ACLY: variants seen among roughly 807,000 people sequenced by gnomAD.
The protein encoded by ACLY is ATP citrate lyase, also known as ATP-citrate synthase.
A neutral mutation model predicts 133.0 loss-of-function variants in ACLY; 41 were observed. The ratio of observed to expected loss-of-function variants is 0.31; its 90% confidence interval spans 0.24 to 0.40. The LOEUF (loss-of-function observed/expected upper bound fraction) is 0.40, where lower values mean the gene tolerates loss of function less well. ACLY is among the 10% of genes least tolerant of loss of function. The probability of loss-of-function intolerance (pLI) is 1.00; values close to 1 mark genes in which losing one functional copy is unlikely to be tolerated. For synonymous variants in ACLY, 495 were observed against 549.3 expected (o/e 0.90, Z 1.38); for missense variants, 1,046 against 1,453.8 (o/e 0.72, Z 4.56).
upstream of ACLY, among the ~76,000 whole-genome samples, chr17:41,920,582 T>A (rs1555635296): frequency 8.6e-6 from 1 of 116,332 alleles, no homozygotes; most frequent in Non-Finnish European, 1.7e-5. Context: ...CAGAGAAGGA[T>A]TCTATCTCAA....
chr17:41,873,363 T>C (rs1466822694), intron 23 of ACLY, among the ~76,000 whole-genome samples: 13 of 152,116 alleles, frequency 8.5e-5, no homozygotes, highest in Admixed American at 8.5e-4. Flanking sequence ...GTATTTTTAG[T>C]AGAGATGGGG....
intron 1 of ACLY, among the ~76,000 whole-genome samples, chr17:41,915,199 T>C (rs1296632325): frequency 5.3e-5 from 8 of 152,248 alleles, no homozygotes; most frequent in African/African-American, 1.9e-4. Context: ...GATACACCCA[T>C]TCTCCTGTGG....
At chr17:41,918,300 G>C (rs1376654125) in intron 1 of ACLY, among the ~76,000 whole-genome samples, 1 of 152,186 alleles carries the variant, frequency 6.6e-6, no homozygotes, top group African/African-American at 2.4e-5. Flanking sequence ...GAGACGAGGC[G>C]AGGCCTCGGG....
rs2048497023 is a variant in ACLY, at chr17:41,867,560, T to C, written c.*250A>G. On this transcript the variant is annotated 3_prime_UTR_variant, in exon 29 of 29. Transcript: ENST00000352035. Reference sequence around the variant, plus strand: ...GCTTCCATATAATAAATACAGCAGGTAGCAGAGCAAAGTCACAAATATTGG... The same window carrying C: ...GCTTCCATATAATAAATACAGCAGGCAGCAGAGCAAAGTCACAAATATTGG... 4 of 294,540 alleles carry C rather than the reference T, an allele frequency of 1.4e-5. No individual in the cohort carries two copies. The highest frequency in any genetic ancestry group is 2.5e-5 in the Non-Finnish European group (4 of 159,016). The allele number at this position is 294,540 out of a possible 1,614,324, so 18.2% of individuals were successfully genotyped here. A position where few individuals can be genotyped will look rare whatever the true frequency, so the allele number is the denominator to read the frequency against.
chr17:41,872,459 G>A (rs1358706037), intron 23 of ACLY, among the ~76,000 whole-genome samples: 1 of 152,106 alleles, frequency 6.6e-6, no homozygotes, highest in African/African-American at 2.4e-5. Context: ...CCAAGTAGCT[G>A]GGACTACAGG....
At chr17:41,929,640 C>G (rs1357831124) in intron 1 of ACLY, among the ~76,000 whole-genome samples, 3 of 152,184 alleles carry the variant, frequency 2.0e-5, no homozygotes, top group Non-Finnish European at 4.4e-5. Flanking sequence ...CTCCTTCAAG[C>G]AGGGACCATA....
chr17:41,868,689 A>G lies in ACLY; in HGVS notation c.3211+20T>C, dbSNP rs568516758. The G allele has an allele frequency of 6.2e-7, 1 of 1,609,734 alleles. No individual in the cohort carries two copies. The highest frequency in any genetic ancestry group is 2.2e-5 in the East Asian group (1 of 44,812). On this transcript the variant is annotated intron_variant, in intron 28 of 28. Transcript: ENST00000352035. The stretch of plus-strand genomic sequence containing the variant: ...TGGGGTTTAAAAAAAAACACTTAAA[A>G]CAACAACGAATGGACTCACCAATGA...
intron 4 of ACLY, 147 bp from the exon 5 acceptor site, chr17:41,909,847 T>C (rs562561437): frequency 2.7e-6 from 2 of 733,274 alleles, no homozygotes; most frequent in African/African-American, 1.8e-5. Context: ...GTGAAAACCA[T>C]TCATCCAGAG....
chr17:41,876,626 C>T (rs2144230496), intron 22 of ACLY, among the ~76,000 whole-genome samples: 1 of 152,336 alleles, frequency 6.6e-6, no homozygotes, highest in South Asian at 2.1e-4. Context: ...CAACCCTGTG[C>T]TCTCTGAAAC....
intron 16 of ACLY, among the ~76,000 whole-genome samples, chr17:41,889,391 C>T (rs1219082579): frequency 6.7e-6 from 1 of 149,448 alleles, no homozygotes; most frequent in Admixed American, 6.7e-5. Context: ...TGGTGGCAGG[C>T]GCCTGTAGTC....
intron 12 of ACLY, 70 bp downstream of exon 12, chr17:41,898,558 GGAA>G (rs2144341099): frequency 6.4e-7 from 1 of 1,555,988 alleles, no homozygotes; most frequent in East Asian, 2.3e-5. Flanking sequence ...AGGGAACAGA[GGAA>G]GAAGACTGTA....
chr17:41,915,140 G>A (rs1555634303), intron 1 of ACLY, among the ~76,000 whole-genome samples: 2 of 152,116 alleles, frequency 1.3e-5, no homozygotes, highest in African/African-American at 4.8e-5. Flanking sequence ...TCACTTCAAA[G>A]AGTCTATGAT....
In ACLY at chr17:41,895,239, C is replaced by T. The variant is rs148187302; in HGVS notation, c.1459+1381G>A. Among the ~76,000 whole-genome samples the T allele has an allele frequency of 6.4e-3, 970 of 152,294 alleles. 9 individuals carry two copies. Among genetic ancestry groups the T allele is most frequent in the African/African-American group, 0.022 (933 of 41,554 alleles). On this transcript the variant is annotated intron_variant, in intron 14 of 28. Coordinates refer to ENST00000352035, the MANE Select transcript of ACLY (RefSeq NM_001096.3). ...AGAATATAAGTGTGAGTTCATGACC[C>T]GCCATCCTCAGGGGAAGCCTGCATC...
At chr17:41,913,613 C>G in intron 2 of ACLY, 102 bp downstream of exon 2, 1 of 1,310,128 alleles carries the variant, frequency 7.6e-7, no homozygotes, top group African/African-American at 1.5e-5. Flanking sequence ...TGCTGGCAGC[C>G]TCCAACCCCA....
At chr17:41,922,114 C>T (rs1409555961), upstream of ACLY, among the ~76,000 whole-genome samples, 1 of 152,172 alleles carries the variant, frequency 6.6e-6, no homozygotes, top group Non-Finnish European at 1.5e-5. Flanking sequence ...TGCAGTGGCT[C>T]ACGCCTATAA....
rs34510712 is a variant in ACLY at position 41,890,837 on chromosome 17, C to CAAAAAAAAAA, written c.1770+1432_1770+1441dup. Among the ~76,000 whole-genome samples the CAAAAAAAAAA allele has an allele frequency of 1.4e-4, 10 of 73,198 alleles. 2 individuals are homozygous for CAAAAAAAAAA. The highest frequency in any genetic ancestry group is 2.0e-4 in the Admixed American group (1 of 5,050). The allele number at this position is 73,198 out of a possible 152,430, so 48.0% of individuals were successfully genotyped here. On this transcript the variant is annotated intron_variant, in intron 16 of 28. Coordinates refer to ENST00000352035, the MANE Select transcript of ACLY (RefSeq NM_001096.3). ...CCAACATGGTGAAACCCCATCTGTA[C>CAAAAAAAAAA]AAAAAAAAAAAAAAAAAAAAAAGCC...
At chr17:41,914,741 C>T (rs1307482204) in intron 1 of ACLY, among the ~76,000 whole-genome samples, 1 of 152,146 alleles carries the variant, frequency 6.6e-6, no homozygotes, top group African/African-American at 2.4e-5. Flanking sequence ...CTGGGGCGGA[C>T]TGAGAGGAGG....
At chr17:41,924,448 C>T (rs1273791838) in intron 1 of ACLY, among the ~76,000 whole-genome samples, 2 of 151,990 alleles carry the variant, frequency 1.3e-5, no homozygotes, top group Admixed American at 1.3e-4. Flanking sequence ...TGCCCGGCTA[C>T]TATTTTTTTC....
At chr17:41,914,317 CTTTCTG>C (rs138850759) in intron 1 of ACLY, among the ~76,000 whole-genome samples, 5,525 of 152,200 alleles carry the variant, frequency 0.036, 342 homozygotes, top group African/African-American at 0.13. Context: ...ACTGAAACAC[CTTTCTG>C]TTCTCTGACC....
Sources: gnomAD v4.1 joint callset for allele counts (sites outside exome capture counted in the v4.1 genomes callset) on GRCh38, gnomAD v4.1.1 for gene constraint, MANE v1.5 for transcripts, NCBI Gene and HGNC (gene_info 2026-07-23, HGNC 2026-07-21) for gene names.